ROR2: variants seen among roughly 807,000 people sequenced by gnomAD.
ROR2 encodes the protein ROR family WNT receptor 2.
A neutral mutation model predicts 74.9 loss-of-function variants in ROR2; 33 were observed. The observed-to-expected ratio is 0.44, with a 90% CI of 0.33 to 0.59. The LOEUF is 0.59. Among genes scored for constraint, ROR2 ranks in the 20% least tolerant of loss-of-function variants. The probability of loss-of-function intolerance (pLI) is 0.02; values close to 1 mark genes in which losing one functional copy is unlikely to be tolerated. For missense variants in ROR2, 1,216 were observed against 1,313.8 expected, an observed-to-expected ratio of 0.93 and a Z score of 1.15; for synonymous variants, 586 against 558.7, an observed-to-expected ratio of 1.05 and a Z score of -0.69.
chr9:91,796,878 C>A lies in ROR2; in HGVS notation c.98-21060G>T, dbSNP rs1293121070. Among the ~76,000 whole-genome samples, 8 of 95,042 alleles carry A rather than the reference C, an allele frequency of 8.4e-5. 1 individual carries two copies. The highest frequency in any genetic ancestry group is 4.1e-4 in the East Asian group (1 of 2,462). The allele number at this position is 95,042 out of a possible 152,430, so 62.4% of individuals were successfully genotyped here. On this transcript the variant is annotated intron_variant, in intron 1 of 8. Transcript: ENST00000375708. ...GGGGCTGACACCCTGGCTCTGTGGG[C>A]GGGGCTGACACCCTGGGATCTGTGG... is the stretch of plus-strand genomic sequence containing the variant.
At chr9:91,928,671 A>G (rs1831472034) in intron 1 of ROR2, among the ~76,000 whole-genome samples, 1 of 152,188 alleles carries the variant, frequency 6.6e-6, no homozygotes, top group Admixed American at 6.5e-5. Context: ...AAAAGGGACA[A>G]ACAGCATCTC....
At chr9:91,936,890 C>T (rs1190426814) in intron 1 of ROR2, among the ~76,000 whole-genome samples, 2 of 150,608 alleles carry the variant, frequency 1.3e-5, no homozygotes, top group Non-Finnish European at 3.0e-5. Context: ...ATTAGCCGGG[C>T]GTAGTGGCGG....
intron 1 of ROR2, among the ~76,000 whole-genome samples, chr9:91,915,814 C>T (rs1047806591): frequency 2.6e-5 from 4 of 152,168 alleles, no homozygotes; most frequent in South Asian, 2.1e-4. Context: ...AGACGCAGAG[C>T]GCTAATTGGT....
At chr9:91,942,550 T>C (rs1831902018) in intron 1 of ROR2, among the ~76,000 whole-genome samples, 1 of 152,200 alleles carries the variant, frequency 6.6e-6, no homozygotes. Context: ...CACTTTGCTC[T>C]AGGAAGTGCC....
At chr9:91,852,112 TG>T (rs1418822486) in intron 1 of ROR2, among the ~76,000 whole-genome samples, 1 of 152,174 alleles carries the variant, frequency 6.6e-6, no homozygotes, top group Non-Finnish European at 1.5e-5. Flanking sequence ...TTGCTGCTAC[TG>T]GTTTTTTTTC....
chr9:91,896,682 A>G (rs1029394005), intron 1 of ROR2, among the ~76,000 whole-genome samples: 1 of 152,162 alleles, frequency 6.6e-6, no homozygotes, highest in Non-Finnish European at 1.5e-5. Context: ...GATGGGAGAA[A>G]TGTTCACATG....
rs1379383336 is a variant in ROR2 at position 91,895,864 on chromosome 9, A to G, written c.97+54003T>C. ...GTCTCAAAAAAGAAAAAAGAAATAC[A>G]TAAATCTATTTAAAAAAATGACTCT... On this transcript the variant is annotated intron_variant, in intron 1 of 8. Transcript: ENST00000375708. Among the ~76,000 whole-genome samples the G allele has an allele frequency of 9.8e-5, 15 of 152,322 alleles. No individual in the cohort carries two copies. In the East Asian group the frequency reaches 2.7e-3, roughly 27 times the overall value.
At chr9:91,844,066 G>C (rs1828856983) in intron 1 of ROR2, among the ~76,000 whole-genome samples, 1 of 152,196 alleles carries the variant, frequency 6.6e-6, no homozygotes, top group Non-Finnish European at 1.5e-5. Context: ...CGGATGAAGG[G>C]AGGGGGCCAT....
chr9:91,785,288 C>T (rs1826760023), intron 1 of ROR2, among the ~76,000 whole-genome samples: 1 of 152,240 alleles, frequency 6.6e-6, no homozygotes, highest in Non-Finnish European at 1.5e-5. Flanking sequence ...GTTCACCCCT[C>T]ACGTTGTTTC....
At chr9:91,896,654 G>A (rs1465619348) in intron 1 of ROR2, among the ~76,000 whole-genome samples, 1 of 152,016 alleles carries the variant, frequency 6.6e-6, no homozygotes. Flanking sequence ...TCCCCTTAAA[G>A]TTTAAACTCA....
intron 4 of ROR2, among the ~76,000 whole-genome samples, chr9:91,746,589 G>C (rs1308215787): frequency 2.0e-5 from 3 of 152,144 alleles, no homozygotes; most frequent in Non-Finnish European, 4.4e-5. Context: ...TCCACTTGGC[G>C]AGAGGTGCCT....
intron 1 of ROR2, among the ~76,000 whole-genome samples, chr9:91,779,372 T>TC (rs1564270932): frequency 2.5e-5 from 2 of 81,352 alleles, no homozygotes; most frequent in African/African-American, 8.4e-5. Flanking sequence ...ACTTTTCTTT[T>TC]TTTTTTTTTT....
At chr9:91,928,082 C>T (rs1831457602) in intron 1 of ROR2, among the ~76,000 whole-genome samples, 1 of 152,140 alleles carries the variant, frequency 6.6e-6, no homozygotes, top group Non-Finnish European at 1.5e-5. Flanking sequence ...CTTCCCGCCA[C>T]CTCCTGCATC....
Position 91,905,054 on chromosome 9 carries a change from CCACA to C in ROR2, c.97+44809_97+44812del, listed in dbSNP as rs55743885. On this transcript the variant is annotated intron_variant, in intron 1 of 8. Transcript: ENST00000375708. This position sits in a 1 kb window ranked among gnomAD's most constrained non-coding sequence, Gnocchi z 5.3. Reference sequence around the variant, plus strand: ...ACGTAACATATACGCAAACATCACACCACACAGACATACAACATATACCACACAC... The same window carrying C: ...ACGTAACATATACGCAAACATCACACCAGACATACAACATATACCACACAC... 1.3e-5 allele frequency among the ~76,000 whole-genome samples: 2 copies of C among 151,386 alleles called. No homozygotes were observed. Among genetic ancestry groups the C allele is most frequent in the Non-Finnish European group, 2.9e-5 (2 of 67,824 alleles).
chr9:91,740,422 G>GTGGGC (rs2118746749), intron 4 of ROR2, among the ~76,000 whole-genome samples: 1 of 152,008 alleles, frequency 6.6e-6, no homozygotes, highest in East Asian at 1.9e-4. Context: ...CGTAGTGGTG[G>GTGGGC]GTACCTGTAG....
chr9:91,768,990 T>G (rs1377856222), intron 2 of ROR2, among the ~76,000 whole-genome samples: 1 of 152,138 alleles, frequency 6.6e-6, no homozygotes, highest in Non-Finnish European at 1.5e-5. Context: ...GGACATCTCA[T>G]GTTTGTTTTG....
At chr9:91,883,766 G>A (rs920639326) in intron 1 of ROR2, among the ~76,000 whole-genome samples, 1 of 152,148 alleles carries the variant, frequency 6.6e-6, no homozygotes, top group African/African-American at 2.4e-5. Context: ...TCACACCTCT[G>A]AAGTGTCCTT....
At chr9:91,726,479 A>T in intron 8 of ROR2, 62 bp downstream of exon 8, 1 of 1,442,734 alleles carries the variant, frequency 6.9e-7, no homozygotes, top group Non-Finnish European at 9.7e-7. Context: ...TGTTGGGGGA[A>T]ACAACCCCTG....
At chr9:91,851,353 CAAA>C (rs140560176) in intron 1 of ROR2, among the ~76,000 whole-genome samples, 2 of 114,570 alleles carry the variant, frequency 1.7e-5, no homozygotes, top group Admixed American at 8.5e-5. Flanking sequence ...GACTCCGTCT[CAAA>C]AAAAAAAAAA....
Sources: allele counts gnomAD v4.1 joint callset (sites outside exome capture counted in the v4.1 genomes callset), GRCh38; gene constraint gnomAD v4.1.1; non-coding constraint Gnocchi (gnomAD v3.1); transcripts MANE v1.5; gene names NCBI Gene and HGNC (gene_info 2026-07-23, HGNC 2026-07-21).